MIOS: variants seen among roughly 807,000 people sequenced by gnomAD.
MIOS encodes the protein GATOR2 complex protein MIOS.
MIOS carries 52 observed loss-of-function variants against 96.9 expected under a neutral mutation model. The ratio of observed to expected loss-of-function variants is 0.54; its 90% CI spans 0.43 to 0.68. The LOEUF (loss-of-function observed/expected upper bound fraction) is 0.68, where lower values mean the gene tolerates loss of function less well. Ranked by LOEUF, MIOS falls within the 30% of genes least tolerant of loss-of-function variation. The pLI, the probability that MIOS is intolerant of heterozygous loss-of-function variation, is 0.00. For synonymous variants in MIOS, 397 were observed against 359.5 expected (o/e 1.10, Z -1.18); for missense variants, 1,005 against 1,052.8 (o/e 0.95, Z 0.63).
intron 11 of MIOS, chr7:7,604,972 A>G (rs959811719): frequency 6.6e-6 from 1 of 152,212 alleles, no homozygotes; most frequent in Non-Finnish European, 1.5e-5. Flanking sequence ...GAGTAATTCT[A>G]GTGTGTTTAC....
intron 5 of MIOS, among the ~76,000 whole-genome samples, chr7:7,579,778 G>A (rs1783651886): frequency 6.6e-6 from 1 of 152,186 alleles, no homozygotes. Context: ...TATAGCCTAG[G>A]AGCAACAGGC....
intron 11 of MIOS, among the ~76,000 whole-genome samples, chr7:7,596,909 G>A (rs1784218867): frequency 1.3e-5 from 2 of 152,148 alleles, no homozygotes; most frequent in African/African-American, 2.4e-5. Flanking sequence ...ATACATGAGA[G>A]AAGGGTCAGT....
intron 9 of MIOS, among the ~76,000 whole-genome samples, chr7:7,591,941 C>T (rs1187874329): frequency 6.6e-6 from 1 of 150,924 alleles, no homozygotes; most frequent in Admixed American, 6.6e-5. Context: ...CTCTATTCTT[C>T]TTCCTTCCAT....
chr7:7,588,563 G>T lies in MIOS; in HGVS notation c.1884G>T (p.Gln628His). 4 of 1,570,380 alleles carry T rather than the reference G, an allele frequency of 2.5e-6. No individual in the cohort carries two copies. The highest frequency in any genetic ancestry group is 3.5e-6 in the Non-Finnish European group (4 of 1,153,956). The change falls in exon 8 of 13, where the codon CAG becomes CAT. Residue 628 changes from glutamine to histidine, a missense_variant and splice_region_variant. This residue lies in a region of MIOS where 865 missense variants were observed against 887.9 expected (regional missense o/e 0.97). Transcript: ENST00000340080. Reference sequence around the variant, plus strand: ...CTTGTAAATTCCTTAGTGATACTCAGGTGAAAACTGATTTAATTCCACATT... The same window carrying T: ...CTTGTAAATTCCTTAGTGATACTCATGTGAAAACTGATTTAATTCCACATT... ...AFACKFLSDTQLNRYIEKLTN... is the reference protein window; with the variant it reads ...AFACKFLSDTHLNRYIEKLTN...
At position 7,597,480 on chromosome 7, in the gene MIOS, ATATATATATATATAT is replaced by A. The variant is rs1190409035; in HGVS notation, c.2401+1020_2401+1034del. Among the ~76,000 whole-genome samples the A allele has an allele frequency of 3.7e-3, 123 of 32,940 alleles. 9 individuals are homozygous for A. The highest frequency in any genetic ancestry group is 7.6e-3 in the Non-Finnish European group (104 of 13,632). 21.6% of individuals were successfully genotyped at this position (32,940 alleles called of 152,430 possible). A position where few individuals can be genotyped will look rare whatever the true frequency, so the allele number is the denominator to read the frequency against. Reference sequence around the variant, plus strand: ...TTACCTAGTAAATTTATATATATATATATATATATATATATATATATATATATATATATATATGAA... The same window carrying A: ...TTACCTAGTAAATTTATATATATATAATATATATATATATATATATATGAA... On this transcript the variant is annotated intron_variant, in intron 11 of 12. Coordinates refer to ENST00000340080, the MANE Select transcript of MIOS (RefSeq NM_019005.4).
At chr7:7,593,901 A>AAAAAAAAC (rs376486803) in intron 9 of MIOS, among the ~76,000 whole-genome samples, 2 of 145,040 alleles carry the variant, frequency 1.4e-5, no homozygotes, top group Non-Finnish European at 3.0e-5. Context: ...AAAAAGAAAA[A>AAAAAAAAC]GAAAAGAAAA....
At chr7:7,600,266 A>C (rs1217285813) in intron 11 of MIOS, among the ~76,000 whole-genome samples, 3 of 152,120 alleles carry the variant, frequency 2.0e-5, no homozygotes, top group Admixed American at 6.5e-5. Context: ...AATAGAAATC[A>C]AGTGCTGGAT....
intron 11 of MIOS, among the ~76,000 whole-genome samples, chr7:7,597,470 A>T (rs1213932836): frequency 0.015 from 38 of 2,480 alleles, no homozygotes; most frequent in African/African-American, 0.058. Context: ...TAGTAAATTT[A>T]TATATATATA....
At chr7:7,606,149 A>C in intron 12 of MIOS, 78 bp downstream of exon 12, 2 of 1,529,052 alleles carry the variant, frequency 1.3e-6, no homozygotes, top group Non-Finnish European at 1.8e-6. Context: ...GTTTGGGTTT[A>C]TCTATTAGCA....
At chr7:7,606,823 C>A (rs1321312773) in intron 12 of MIOS, among the ~76,000 whole-genome samples, 173 bp from the exon 13 acceptor site, 1 of 152,112 alleles carries the variant, frequency 6.6e-6, no homozygotes, top group Admixed American at 6.6e-5. Context: ...CAGTGGTGCA[C>A]ACCTGTAGTC....
At chr7:7,585,392 C>A (rs13242945) in intron 6 of MIOS, among the ~76,000 whole-genome samples, 1 of 138,030 alleles carries the variant, frequency 7.2e-6, no homozygotes, top group Non-Finnish European at 1.5e-5. Flanking sequence ...ATTTTCCAGT[C>A]TGAATCAAAA....
chr7:7,602,391 T>C (rs1364108371), intron 11 of MIOS, among the ~76,000 whole-genome samples: 1 of 152,140 alleles, frequency 6.6e-6, no homozygotes, highest in Non-Finnish European at 1.5e-5. Flanking sequence ...GGATACAAAA[T>C]CAATGTGCAG....
At chr7:7,590,455 A>G (rs1784015797) in intron 9 of MIOS, among the ~76,000 whole-genome samples, 1 of 152,246 alleles carries the variant, frequency 6.6e-6, no homozygotes, top group South Asian at 2.1e-4. Flanking sequence ...GTAACTTCTT[A>G]CCAAGATTTA....
intron 3 of MIOS, among the ~76,000 whole-genome samples, chr7:7,571,669 A>G (rs1783358514): frequency 6.6e-6 from 1 of 152,212 alleles, no homozygotes; most frequent in Non-Finnish European, 1.5e-5. Flanking sequence ...CATTGTGTAG[A>G]TGAGAAAACA....
chr7:7,576,336 T>C (rs916022159), intron 5 of MIOS, among the ~76,000 whole-genome samples: 1 of 152,222 alleles, frequency 6.6e-6, no homozygotes, highest in Non-Finnish European at 1.5e-5. Context: ...AGGATCAATG[T>C]CATCCCTGCT....
intron 11 of MIOS, among the ~76,000 whole-genome samples, chr7:7,599,571 C>T (rs1313245204): frequency 6.6e-6 from 1 of 151,982 alleles, no homozygotes; most frequent in Non-Finnish European, 1.5e-5. Flanking sequence ...AGGTTGCAGA[C>T]CAAGTGTAAA....
chr7:7,589,597 T>C (rs138495713), intron 9 of MIOS, 34 bp downstream of exon 9: 1 of 1,571,092 alleles, frequency 6.4e-7, no homozygotes, highest in South Asian at 1.2e-5. Context: ...TTTAAAAAAG[T>C]AACAATATTC....
intron 11 of MIOS, among the ~76,000 whole-genome samples, chr7:7,600,662 G>A (rs562842234): frequency 1.4e-4 from 22 of 152,090 alleles, no homozygotes; most frequent in Admixed American, 1.2e-3. Flanking sequence ...GATCAACGAG[G>A]CAGAAAGTGA....
At position 7,573,650 on chromosome 7, in the gene MIOS, C is replaced by T. The variant is rs201758638; in HGVS notation, c.1175C>T (p.Thr392Met). The T allele has an allele frequency of 3.8e-5, 62 of 1,613,828 alleles. No homozygotes were observed. Among genetic ancestry groups the T allele is most frequent in the African/African-American group, 1.3e-5 (1 of 74,892 alleles). ...AATTCTTTAGAAAAAGATATAGCAA[C>T]GAAGATGCGTCTTCGGGCTTTATCA... ...NDNSLEKDIA[T>M]KMRLRALSRY... The change falls in exon 4 of 13, where the codon ACG becomes ATG. Residue 392 changes from threonine (T) to methionine (M), a missense_variant. Coordinates refer to ENST00000340080, the MANE Select transcript of MIOS (RefSeq NM_019005.4). The surrounding 1 kb of genome is among the most constrained non-coding windows in gnomAD (Gnocchi z 5.0).
Sources: gnomAD v4.1 joint callset for allele counts (sites outside exome capture counted in the v4.1 genomes callset) on GRCh38, gnomAD v4.1.1 for gene constraint, gnomAD v4.1.1 regional missense constraint, Gnocchi (gnomAD v3.1) non-coding constraint, MANE v1.5 for transcripts, NCBI Gene and HGNC (gene_info 2026-07-23, HGNC 2026-07-21) for gene names.